The following RAD51C variants were observed in gnomAD, a reference collection of about 807,000 sequenced individuals.
RAD51C encodes the protein DNA repair protein RAD51 homolog 3.
In RAD51C, 42 loss-of-function variants were observed where a neutral mutation model predicts 45.0. The observed-to-expected ratio is 0.93, with a 90% CI of 0.73 to 1.21. The LOEUF is 1.21. Among genes scored for constraint, RAD51C ranks in the 50% most tolerant of loss-of-function variants. RAD51C has a pLI of 0.00. For missense variants in RAD51C, 474 were observed against 452.2 expected (o/e 1.05, Z -0.44); for synonymous variants, 172 against 159.8 (o/e 1.08, Z -0.58).
At position 58,692,719 on chromosome 17, in the gene RAD51C, A is replaced by G. The variant is rs1233718307; in HGVS notation, c.76A>G (p.Lys26Glu). The change falls in exon 1 of 9, where the codon AAG (lysine) becomes GAG (glutamate). Residue 26 changes from lysine to glutamate, a missense_variant. Physicochemically the swap from Lys to Glu is moderately conservative, Grantham distance 56. Coordinates refer to ENST00000337432, the MANE Select transcript of RAD51C (RefSeq NM_058216.3). ...SFPLSPAVRVKLVSAGFQTAE... is the reference protein window; with the variant it reads ...SFPLSPAVRVELVSAGFQTAE... ...CCCGCTGTCTCCAGCGGTGCGGGTG[A>G]AGCTGGTGTCTGCGGGGTTCCAGAC... 1 of 1,614,126 alleles carries G rather than the reference A, an allele frequency of 6.2e-7. No individual in the cohort carries two copies. The highest frequency in any genetic ancestry group is 1.3e-5 in the African/African-American group (1 of 74,956).
chr17:58,706,121 A>G (rs969290717), intron 4 of RAD51C: 7 of 152,262 alleles, frequency 4.6e-5, no homozygotes, highest in East Asian at 3.9e-4. Flanking sequence ...TCATTGGACC[A>G]TAAGGCTCAA....
At chr17:58,722,936 G>A (rs932045130) in intron 6 of RAD51C, among the ~76,000 whole-genome samples, 6 of 152,178 alleles carry the variant, frequency 3.9e-5, no homozygotes, top group Non-Finnish European at 7.3e-5. Context: ...ACAGGCAGAA[G>A]ACTTAGAATT....
intron 4 of RAD51C, chr17:58,706,440 T>C (rs1427733525): frequency 3.0e-6 from 1 of 338,448 alleles, no homozygotes; most frequent in Non-Finnish European, 6.3e-6. Flanking sequence ...AAAAAAATAA[T>C]AATAATTAAA....
intron 3 of RAD51C, 79 bp downstream of exon 3, chr17:58,696,938 C>T (rs2143751618): frequency 1.3e-6 from 2 of 1,489,260 alleles, no homozygotes; most frequent in South Asian, 1.1e-5. Context: ...ACCTCAGCAA[C>T]ACTCCATTTG....
At chr17:58,696,983 T>C in intron 3 of RAD51C, 124 bp downstream of exon 3, 3 of 1,152,736 alleles carry the variant, frequency 2.6e-6, no homozygotes, top group South Asian at 1.3e-5. Flanking sequence ...AGTTAACTAG[T>C]GTTAAACTCT....
intron 7 of RAD51C, among the ~76,000 whole-genome samples, chr17:58,731,283 A>C (rs931029175): frequency 1.1e-4 from 13 of 119,640 alleles, no homozygotes; most frequent in African/African-American, 3.5e-4. Context: ...TTTGAGATGG[A>C]GTTTCACTCT....
Position 58,695,052 on chromosome 17 carries a change from A to G in RAD51C, c.267A>G (p.Glu89=), listed in dbSNP as rs1304150114. ...CACACAAGAAGTGTACAGCACTGGA[A>G]CTTCTTGAGCAGGAGCATACCCAGG... ...SESHKKCTAL[E]LLEQEHTQGF... is the part of the protein sequence containing the mutation. The change falls in exon 2 of 9, where the codon GAA becomes GAG. Residue 89 remains glutamate (E), a synonymous_variant. Transcript: ENST00000337432. 6.2e-7 allele frequency: 1 copy of G among 1,614,162 alleles called. No homozygotes were observed. Among genetic ancestry groups the G allele is most frequent in the South Asian group, 1.1e-5 (1 of 91,084 alleles).
rs2144059941 is a variant in RAD51C, at chr17:58,734,111, C to A, written c.1027-7C>A. ...GCATATTTGTATATATATTTTTTAT[C>A]TTTCAGCCTCAGGGATTTAGAGATA... On this transcript the variant is annotated splice_polypyrimidine_tract_variant and splice_region_variant and intron_variant, in intron 8 of 8. Coordinates refer to ENST00000337432, the MANE Select transcript of RAD51C (RefSeq NM_058216.3). 1 of 1,610,204 alleles carries A rather than the reference C, an allele frequency of 6.2e-7. No homozygotes were observed. The highest frequency in any genetic ancestry group is 8.5e-7 in the Non-Finnish European group (1 of 1,177,740).
chr17:58,726,724 C>G (rs77430462), intron 7 of RAD51C, among the ~76,000 whole-genome samples: 22,286 of 151,798 alleles, frequency 0.15, 2,509 homozygotes, highest in East Asian at 0.31. Flanking sequence ...CCACGTAAAT[C>G]TTTGAAATAG....
chr17:58,708,406 C>G (rs1039813270), intron 4 of RAD51C, among the ~76,000 whole-genome samples: 10 of 151,586 alleles, frequency 6.6e-5, no homozygotes, highest in South Asian at 4.2e-4. Flanking sequence ...ATATTCTTCT[C>G]TCTTATTTAC....
chr17:58,712,242 G>A (rs1280110045), intron 5 of RAD51C, among the ~76,000 whole-genome samples: 1 of 150,954 alleles, frequency 6.6e-6, no homozygotes, highest in African/African-American at 2.4e-5. Context: ...CTACTCAGGA[G>A]GCTGAGGCAG....
chr17:58,712,344 C>CAA (rs5821244), intron 5 of RAD51C, among the ~76,000 whole-genome samples: 59 of 82,940 alleles, frequency 7.1e-4, no homozygotes, highest in Non-Finnish European at 7.9e-4. Context: ...CACTCCATCT[C>CAA]AAAAAAAAAA....
chr17:58,712,510 A>C (rs1390437748), intron 5 of RAD51C, among the ~76,000 whole-genome samples: 3 of 152,150 alleles, frequency 2.0e-5, no homozygotes, highest in Non-Finnish European at 4.4e-5. Flanking sequence ...ATGCATATAC[A>C]AACTTACGTT....
At position 58,705,349 on chromosome 17, in the gene RAD51C, G is replaced by A. The variant is rs1011670607; in HGVS notation, c.705+2020G>A. Reference sequence around the variant, plus strand: ...CTGGTGTTTTTTCTTTTTTTTGGGGGGGGGGTGGAGTTTCGCTTTTGTCAC... The same window carrying A: ...CTGGTGTTTTTTCTTTTTTTTGGGGAGGGGGTGGAGTTTCGCTTTTGTCAC... On this transcript the variant is annotated intron_variant, in intron 4 of 8. Transcript: ENST00000337432. Among the ~76,000 whole-genome samples, 10 of 150,968 alleles carry A rather than the reference G, an allele frequency of 6.6e-5. No homozygotes were observed. The East Asian group carries it at 9.8e-4, about 15-fold the overall frequency.
intron 1 of RAD51C, chr17:58,694,105 T>C (rs530175915): frequency 1.3e-5 from 2 of 152,346 alleles, no homozygotes; most frequent in East Asian, 3.9e-4. Flanking sequence ...TTTAAAATGC[T>C]TGTGCCTTGA....
chr17:58,705,336 CT>C (rs768063806), intron 4 of RAD51C, among the ~76,000 whole-genome samples: 8 of 144,444 alleles, frequency 5.5e-5, no homozygotes, highest in Non-Finnish European at 9.1e-5. Flanking sequence ...GGTGTTTTTT[CT>C]TTTTTTTGGG....
intron 3 of RAD51C, 108 bp from the exon 4 acceptor site, chr17:58,703,088 A>G: frequency 8.0e-7 from 1 of 1,243,218 alleles, no homozygotes; most frequent in Admixed American, 2.1e-5. Context: ...CAGTTAAAGA[A>G]TTTTGTTATC....
Position 58,695,230 on chromosome 17 carries a change from CAT to C in RAD51C, c.404+44_404+45del, listed in dbSNP as rs746082340. 1.7e-4 allele frequency: 265 copies of C among 1,578,136 alleles called. No individual in the cohort carries two copies. The highest frequency in any genetic ancestry group is 2.4e-4 in the Admixed American group (13 of 55,228). ...CTCCTTTTAAGGGTGGGTTTAATAA[CAT>C]ATTATGAAAGTAGTATTTTGTACTA... is the stretch of plus-strand genomic sequence containing the variant. On this transcript the variant is annotated intron_variant, in intron 2 of 8. Transcript: ENST00000337432.
chr17:58,703,812 C>T (rs759508050), intron 4 of RAD51C, among the ~76,000 whole-genome samples: 8 of 151,742 alleles, frequency 5.3e-5, no homozygotes, highest in Non-Finnish European at 8.8e-5. Context: ...AAAAATTAGC[C>T]GTGTGTGGTG....
Sources: allele counts gnomAD v4.1 joint callset (sites outside exome capture counted in the v4.1 genomes callset), GRCh38; gene constraint gnomAD v4.1.1; transcripts MANE v1.5; gene names NCBI Gene and HGNC (gene_info 2026-07-23, HGNC 2026-07-21).